LPP: variants seen among roughly 807,000 people sequenced by gnomAD.
LPP encodes lipoma-preferred partner.
In LPP, 38 loss-of-function variants were observed where a neutral mutation model predicts 60.4. The ratio of observed to expected loss-of-function variants is 0.63; its 90% CI spans 0.49 to 0.83. The LOEUF (loss-of-function observed/expected upper bound fraction) is 0.83, where lower values mean the gene tolerates loss of function less well. LPP is among the 40% of genes least tolerant of loss of function. The pLI, the probability that LPP is intolerant of heterozygous loss-of-function variation, is 0.00. For missense variants in LPP, 902 were observed against 783.6 expected, an observed-to-expected ratio of 1.15 and a Z score of -1.80; for synonymous variants, 328 against 290.8, an observed-to-expected ratio of 1.13 and a Z score of -1.30.
intron 8 of LPP, among the ~76,000 whole-genome samples, chr3:188,747,503 T>G (rs1434008827): frequency 6.6e-6 from 1 of 152,214 alleles, no homozygotes; most frequent in Non-Finnish European, 1.5e-5. Context: ...CTTCTAATGT[T>G]TTATTCAAAT....
intron 5 of LPP, among the ~76,000 whole-genome samples, chr3:188,504,697 G>C (rs966861907): frequency 6.6e-6 from 1 of 151,276 alleles, no homozygotes; most frequent in African/African-American, 2.4e-5. Context: ...TGTTTCCCTG[G>C]TTATGTGCCA....
chr3:188,757,229 TGA>T (rs1730572144), intron 8 of LPP, among the ~76,000 whole-genome samples: 5 of 79,410 alleles, frequency 6.3e-5, no homozygotes, highest in Non-Finnish European at 1.7e-4. Flanking sequence ...ACTGACATCG[TGA>T]CATCGTCGAA....
intron 2 of LPP, among the ~76,000 whole-genome samples, chr3:188,241,976 T>C (rs2149475690): frequency 6.6e-6 from 1 of 152,256 alleles, no homozygotes; most frequent in African/African-American, 2.4e-5. Flanking sequence ...GATTTCATGA[T>C]TCTGACGCTG....
In LPP at chr3:188,443,206, G is replaced by T. The variant is rs115747124; in HGVS notation, c.193+36893G>T. On this transcript the variant is annotated intron_variant, in intron 4 of 11. Coordinates refer to ENST00000617246, the MANE Select transcript of LPP (RefSeq NM_001375462.1). ...GAGAAGAAACTGTTTTCAGACTGGG[G>T]CTCTATTAAGTGTTCATTGACCACA... 1.3e-3 allele frequency among the ~76,000 whole-genome samples: 193 copies of T among 152,262 alleles called. 3 individuals are homozygous for T. Among genetic ancestry groups the T allele is most frequent in the African/African-American group, 4.1e-3 (171 of 41,546 alleles).
intron 11 of LPP, 111 bp downstream of exon 11, chr3:188,872,874 T>G (rs1768506670): frequency 1.4e-6 from 2 of 1,421,414 alleles, no homozygotes; most frequent in South Asian, 1.3e-5. Flanking sequence ...CCTTAGTGCC[T>G]GTACTCATAG....
chr3:188,545,444 CAT>C (rs1826371700), intron 6 of LPP, among the ~76,000 whole-genome samples: 1 of 151,834 alleles, frequency 6.6e-6, no homozygotes, highest in African/African-American at 2.4e-5. Flanking sequence ...CTGTATCAGC[CAT>C]TTATTTCTGC....
chr3:188,793,525 G>A lies in LPP; in HGVS notation c.1410+33243G>A, dbSNP rs951979837. 3.7e-4 allele frequency among the ~76,000 whole-genome samples: 57 copies of A among 152,120 alleles called. 1 individual carries two copies. Among genetic ancestry groups the A allele is most frequent in the African/African-American group, 1.3e-3 (55 of 41,514 alleles). On this transcript the variant is annotated intron_variant, in intron 9 of 11. Transcript: ENST00000617246. ...TAGCAAAATTGAGACCCACATCAGCGATCTAACCTGTCATTTCAATGATGT... is the reference window on the plus strand; with the variant it reads ...TAGCAAAATTGAGACCCACATCAGCAATCTAACCTGTCATTTCAATGATGT...
intron 4 of LPP, among the ~76,000 whole-genome samples, chr3:188,434,369 AT>A (rs748641385): frequency 2.0e-5 from 3 of 152,128 alleles, no homozygotes; most frequent in Non-Finnish European, 4.4e-5. Flanking sequence ...TTTCTATTCA[AT>A]TTCATTACAA....
intron 1 of LPP, among the ~76,000 whole-genome samples, chr3:188,160,159 C>T (rs917040171): frequency 6.6e-6 from 1 of 151,896 alleles, no homozygotes; most frequent in Admixed American, 6.6e-5. Flanking sequence ...ATCCACCTGC[C>T]TTGGTCTCCC....
intron 9 of LPP, among the ~76,000 whole-genome samples, chr3:188,774,542 A>G (rs941486670): frequency 1.3e-5 from 2 of 152,054 alleles, no homozygotes; most frequent in Non-Finnish European, 2.9e-5. Flanking sequence ...TTTGGGGAGT[A>G]TTTAGTACAT....
intron 6 of LPP, among the ~76,000 whole-genome samples, chr3:188,599,486 C>T (rs1346300691): frequency 6.6e-6 from 1 of 151,862 alleles, no homozygotes; most frequent in East Asian, 1.9e-4. Context: ...CTCTAGAAGT[C>T]CAGGGAGATG....
intron 4 of LPP, 137 bp from the exon 5 acceptor site, chr3:188,484,455 G>T: frequency 1.6e-6 from 1 of 608,844 alleles, no homozygotes; most frequent in East Asian, 2.7e-5. Flanking sequence ...ATTAAACTAA[G>T]ATGGGGAATA....
At chr3:188,819,027 C>CGTGTGTGTGT (rs59994224) in intron 9 of LPP, among the ~76,000 whole-genome samples, 1 of 142,198 alleles carries the variant, frequency 7.0e-6, no homozygotes, top group African/African-American at 2.6e-5. Context: ...TCATGGGGGT[C>CGTGTGTGTGT]GTGTGTGTGT....
chr3:188,796,379 A>G (rs1020299410), intron 9 of LPP, among the ~76,000 whole-genome samples: 1 of 152,164 alleles, frequency 6.6e-6, no homozygotes, highest in African/African-American at 2.4e-5. Context: ...CTTGCTAAGC[A>G]TTTTGGCCTT....
intron 3 of LPP, among the ~76,000 whole-genome samples, chr3:188,377,185 T>C (rs1454322335): frequency 2.0e-5 from 3 of 152,230 alleles, no homozygotes; most frequent in South Asian, 2.1e-4. Context: ...ATATATGTCT[T>C]GGAGTTGCTC....
chr3:188,214,432 C>T lies in LPP; in HGVS notation c.-189-10973C>T, dbSNP rs191418293. On this transcript the variant is annotated intron_variant, in intron 1 of 11. Transcript: ENST00000617246. ...AGGCATGAGCTGCTGCACCTGGCCTCGGATCAACTTGAGGGCCTTATTTTC... is the reference window on the plus strand; with the variant it reads ...AGGCATGAGCTGCTGCACCTGGCCTTGGATCAACTTGAGGGCCTTATTTTC... Among the ~76,000 whole-genome samples the T allele has an allele frequency of 3.1e-3, 466 of 152,122 alleles. 2 individuals carry two copies. The highest frequency in any genetic ancestry group is 0.011 in the African/African-American group (439 of 41,514).
chr3:188,732,692 C>G (rs183237383), intron 8 of LPP, among the ~76,000 whole-genome samples: 17 of 128,388 alleles, frequency 1.3e-4, no homozygotes, highest in African/African-American at 4.7e-4. Context: ...TGTTCCAGCC[C>G]TAGCGACAGA....
intron 4 of LPP, among the ~76,000 whole-genome samples, chr3:188,445,043 T>C (rs573362711): frequency 1.3e-5 from 2 of 151,848 alleles, no homozygotes; most frequent in Non-Finnish European, 2.9e-5. Flanking sequence ...TTGGTGGGAG[T>C]GTAAATTAGT....
intron 7 of LPP, among the ~76,000 whole-genome samples, chr3:188,666,797 G>A (rs1490406336): frequency 6.6e-6 from 1 of 152,152 alleles, no homozygotes; most frequent in East Asian, 1.9e-4. Flanking sequence ...GTGTTATGCT[G>A]CAGGGAGAAA....
Sources: allele counts gnomAD v4.1 joint callset (sites outside exome capture counted in the v4.1 genomes callset), GRCh38; gene constraint gnomAD v4.1.1; transcripts MANE v1.5; gene names NCBI Gene and HGNC (gene_info 2026-07-23, HGNC 2026-07-21).